Variants in TTC23L observed in about 807,000 individuals in gnomAD.
TTC23L encodes tetratricopeptide repeat domain 23 like.
In TTC23L, 42 loss-of-function variants were observed where a neutral mutation model predicts 48.1. That is an observed-to-expected ratio of 0.87 (90% CI 0.68 to 1.13). The LOEUF is 1.13. Ranked by LOEUF, TTC23L falls within the 50% of genes most tolerant of loss-of-function variation. The pLI is 0.00. For missense variants in TTC23L, 391 were observed against 421.0 expected (o/e 0.93, Z 0.62); for synonymous variants, 159 against 157.2 (o/e 1.01, Z -0.09).
chr5:34,923,204 G>A, the TTC23L span: 2 of 1,613,706 alleles, frequency 1.2e-6, no homozygotes, highest in Non-Finnish European at 1.7e-6. Flanking sequence ...TCACCATTTT[G>A]GATAATAGGA....
chr5:34,915,764 G>C, the TTC23L span: 172 of 1,604,310 alleles, frequency 1.1e-4, 2 homozygotes, highest in South Asian at 1.9e-3. Flanking sequence ...AGGAAACGGC[G>C]TGGAGGCTTT....
At chr5:34,846,626 TATAC>T (rs1304720716) in intron 3 of TTC23L, among the ~76,000 whole-genome samples, 2 of 136,498 alleles carry the variant, frequency 1.5e-5, no homozygotes, top group East Asian at 4.1e-4. Flanking sequence ...TACACACACA[TATAC>T]ATATATACGT....
rs147770755 is a variant in TTC23L, at chr5:34,843,673, T to C, written c.69-1814T>C. Among the ~76,000 whole-genome samples the C allele has an allele frequency of 3.3e-5, 5 of 152,352 alleles. No homozygotes were observed. In the East Asian group the frequency reaches 5.8e-4, roughly 18 times the overall value. On this transcript the variant is annotated intron_variant, in intron 2 of 10. Transcript: ENST00000505624. ...GCTATTGAGATATGATCTCTTTTTT[T>C]TTTAACTGCCCCTTGCAGAACAGGG...
intron 9 of TTC23L, among the ~76,000 whole-genome samples, 188 bp downstream of exon 9, chr5:34,880,496 G>C (rs78457275): frequency 3.1e-3 from 473 of 152,060 alleles, no homozygotes; most frequent in African/African-American, 0.011. Flanking sequence ...TCATTCTTTT[G>C]ATGAAACTGA....
At chr5:34,912,449 C>G in the TTC23L span, among the ~76,000 whole-genome samples, 4 of 152,180 alleles carry the variant, frequency 2.6e-5, no homozygotes, top group African/African-American at 9.7e-5. Flanking sequence ...TGGAAGATGA[C>G]AGATGCTTCT....
chr5:34,909,961 GC>G, the TTC23L span, among the ~76,000 whole-genome samples: 2 of 152,026 alleles, frequency 1.3e-5, no homozygotes, highest in Non-Finnish European at 2.9e-5. Flanking sequence ...CTCCATTTCT[GC>G]CTCCCATCTT....
At chr5:34,846,916 T>G (rs1000733471) in intron 3 of TTC23L, among the ~76,000 whole-genome samples, 1 of 152,016 alleles carries the variant, frequency 6.6e-6, no homozygotes, top group Non-Finnish European at 1.5e-5. Context: ...ATTCCAAATA[T>G]GCATTTCTAA....
chr5:34,895,975 G>A (rs1042136584), intron 9 of TTC23L, among the ~76,000 whole-genome samples: 1 of 152,192 alleles, frequency 6.6e-6, no homozygotes, highest in South Asian at 2.1e-4. Context: ...CCAAACCTTG[G>A]TATGAGTGAG....
the TTC23L span, chr5:34,922,816 G>A: frequency 1.3e-6 from 2 of 1,539,676 alleles, no homozygotes; most frequent in African/African-American, 1.4e-5. Context: ...TATCTGGCAT[G>A]GTTGTTTTTA....
chr5:34,899,109 A>C, intron 10 of TTC23L, among the ~76,000 whole-genome samples: 1 of 152,168 alleles, frequency 6.6e-6, no homozygotes, highest in East Asian at 1.9e-4. Flanking sequence ...AGGTGGCTCA[A>C]ATATCCCTGG....
chr5:34,849,928 G>C (rs1222384348), intron 3 of TTC23L, among the ~76,000 whole-genome samples: 1 of 152,182 alleles, frequency 6.6e-6, no homozygotes, highest in Non-Finnish European at 1.5e-5. Context: ...ATTGGAAGGG[G>C]CTGCTGTGGC....
intron 3 of TTC23L, among the ~76,000 whole-genome samples, chr5:34,848,050 G>T (rs1759360559): frequency 6.6e-6 from 1 of 152,086 alleles, no homozygotes; most frequent in South Asian, 2.1e-4. Flanking sequence ...GTAACTCCAT[G>T]AGGTAGATGG....
chr5:34,885,653 G>A (rs779601326), intron 9 of TTC23L, among the ~76,000 whole-genome samples: 1 of 151,938 alleles, frequency 6.6e-6, no homozygotes, highest in Non-Finnish European at 1.5e-5. Flanking sequence ...AGAGGCTGAC[G>A]TAGAGGATCA....
At chr5:34,888,727 G>T (rs766924778) in intron 9 of TTC23L, among the ~76,000 whole-genome samples, 1 of 152,170 alleles carries the variant, frequency 6.6e-6, no homozygotes, top group Non-Finnish European at 1.5e-5. Flanking sequence ...CAGTCTCATA[G>T]AACCCAGTAT....
chr5:34,858,326 C>T (rs1454121093), intron 4 of TTC23L, among the ~76,000 whole-genome samples: 1 of 152,112 alleles, frequency 6.6e-6, no homozygotes, highest in African/African-American at 2.4e-5. Context: ...AGAGGACGTA[C>T]TTAGACTTAG....
chr5:34,918,140 CAA>C, the TTC23L span: 1,053 of 102,976 alleles, frequency 0.01, no homozygotes, highest in East Asian at 0.017. Flanking sequence ...CCCATCTCTA[CAA>C]AAAAAAAAAA....
intron 9 of TTC23L, among the ~76,000 whole-genome samples, chr5:34,890,767 C>T (rs1473366830): frequency 6.6e-6 from 1 of 152,122 alleles, no homozygotes; most frequent in African/African-American, 2.4e-5. Flanking sequence ...AATCTGAAGA[C>T]AGACTGCCTG....
downstream of TTC23L, among the ~76,000 whole-genome samples, chr5:34,902,977 A>T (rs116123780): frequency 0.054 from 8,198 of 151,790 alleles, 310 homozygotes; most frequent in South Asian, 0.11. Flanking sequence ...AAAAAAAAAA[A>T]TACCAGAAAG....
chr5:34,875,108 AAG>A (rs1189117377), intron 8 of TTC23L, among the ~76,000 whole-genome samples: 2 of 152,214 alleles, frequency 1.3e-5, no homozygotes, highest in African/African-American at 4.8e-5. Context: ...ATCAGGGACA[AAG>A]AGGGGCATTA....
Sources: gnomAD v4.1 joint callset for allele counts (sites outside exome capture counted in the v4.1 genomes callset) on GRCh38, gnomAD v4.1.1 for gene constraint, MANE v1.5 for transcripts, NCBI Gene and HGNC (gene_info 2026-07-23, HGNC 2026-07-21) for gene names.